Variants in PTPRD observed in about 807,000 individuals in gnomAD.
PTPRD encodes the protein protein tyrosine phosphatase receptor type D, also known as receptor-type tyrosine-protein phosphatase delta.
A neutral mutation model predicts 214.5 loss-of-function variants in PTPRD; 34 were observed. The ratio of observed to expected loss-of-function variants is 0.16; its 90% CI spans 0.12 to 0.21. The LOEUF (loss-of-function observed/expected upper bound fraction) is 0.21, where lower values mean the gene tolerates loss of function less well. Among genes scored for constraint, PTPRD ranks in the 10% least tolerant of loss-of-function variants. PTPRD has a pLI of 1.00. For missense variants in PTPRD, 2,545 were observed against 2,398.7 expected, an observed-to-expected ratio of 1.06 and a Z score of -1.27; for synonymous variants, 1,128 against 845.7, an observed-to-expected ratio of 1.33 and a Z score of -5.79.
chr9:10,149,531 C>A (rs542213709), intron 3 of PTPRD, among the ~76,000 whole-genome samples: 1 of 152,272 alleles, frequency 6.6e-6, no homozygotes, highest in East Asian at 1.9e-4. Flanking sequence ...GTGCCTCCGT[C>A]CTCTACCTGG....
intron 3 of PTPRD, among the ~76,000 whole-genome samples, chr9:10,325,245 G>A (rs2154430555): frequency 6.6e-6 from 1 of 152,072 alleles, no homozygotes; most frequent in Non-Finnish European, 1.5e-5. Context: ...AAGCACACAG[G>A]AAATGCTGCT....
rs181840656 is a variant in PTPRD, at chr9:8,935,571, G to A, written c.-104+83126C>T. On this transcript the variant is annotated intron_variant, in intron 11 of 45. Transcript: ENST00000381196. Reference sequence around the variant, plus strand: ...TTCACAAACATACTAAATAGATCCCGAGGAAGCCTAACGAATGAATGCTTC... The same window carrying A: ...TTCACAAACATACTAAATAGATCCCAAGGAAGCCTAACGAATGAATGCTTC... 7.9e-5 allele frequency among the ~76,000 whole-genome samples: 12 copies of A among 152,174 alleles called. No homozygotes were observed. The East Asian group carries it at 1.7e-3, about 22-fold the overall frequency.
chr9:9,802,205 C>T (rs72710149), intron 5 of PTPRD, among the ~76,000 whole-genome samples: 1,838 of 149,758 alleles, frequency 0.012, 15 homozygotes, highest in Middle Eastern at 0.027. Flanking sequence ...ATTGCTTTTA[C>T]TTTACTCCTG....
chr9:10,187,875 T>G (rs928502540), intron 3 of PTPRD, among the ~76,000 whole-genome samples: 14 of 152,338 alleles, frequency 9.2e-5, no homozygotes, highest in Middle Eastern at 3.4e-3. Context: ...CTGGCTAGAA[T>G]TATCTTTCCT....
chr9:8,456,897 T>G (rs569040518), intron 33 of PTPRD, among the ~76,000 whole-genome samples: 3 of 152,232 alleles, frequency 2.0e-5, no homozygotes, highest in African/African-American at 4.8e-5. Context: ...TTATCCATCT[T>G]GAAATGCTTT....
chr9:8,640,023 C>T (rs2096538440), intron 12 of PTPRD, among the ~76,000 whole-genome samples: 1 of 152,128 alleles, frequency 6.6e-6, no homozygotes, highest in African/African-American at 2.4e-5. Flanking sequence ...CTCAACCTCC[C>T]AGGCTCAGTC....
At chr9:10,067,801 G>A (rs1350843089) in intron 3 of PTPRD, among the ~76,000 whole-genome samples, 1 of 151,796 alleles carries the variant, frequency 6.6e-6, no homozygotes, top group Non-Finnish European at 1.5e-5. Flanking sequence ...CGAGTTAGAT[G>A]CAGTGATGAC....
chr9:8,408,079 T>C (rs2093178985), intron 35 of PTPRD, among the ~76,000 whole-genome samples: 1 of 152,186 alleles, frequency 6.6e-6, no homozygotes, highest in African/African-American at 2.4e-5. Context: ...TTGCTTTGCC[T>C]CTCTGTTCTC....
At chr9:8,958,295 T>C (rs2099142201) in intron 11 of PTPRD, among the ~76,000 whole-genome samples, 1 of 151,956 alleles carries the variant, frequency 6.6e-6, no homozygotes, top group Admixed American at 6.6e-5. Flanking sequence ...GACACAAATG[T>C]TCCATATACT....
chr9:8,887,063 C>G (rs1260102337), intron 11 of PTPRD, among the ~76,000 whole-genome samples: 1 of 152,100 alleles, frequency 6.6e-6, no homozygotes, highest in East Asian at 1.9e-4. Context: ...CTTTCTTATC[C>G]CCATTTTACA....
chr9:9,674,361 G>A (rs937207347), intron 7 of PTPRD, among the ~76,000 whole-genome samples: 10 of 151,304 alleles, frequency 6.6e-5, no homozygotes, highest in African/African-American at 1.5e-4. Flanking sequence ...TACCTTCTCC[G>A]TGATAAAGTG....
intron 4 of PTPRD, among the ~76,000 whole-genome samples, chr9:9,975,830 T>C (rs2154055992): frequency 6.6e-6 from 1 of 152,332 alleles, no homozygotes; most frequent in South Asian, 2.1e-4. Flanking sequence ...AACTTCAGTT[T>C]ACTGCATTAA....
chr9:9,271,512 A>T (rs180842781), intron 9 of PTPRD, among the ~76,000 whole-genome samples: 1 of 151,420 alleles, frequency 6.6e-6, no homozygotes, highest in Admixed American at 6.6e-5. Context: ...CATTTAAAAC[A>T]TGCTATGAAT....
chr9:10,306,600 C>T lies in PTPRD; in HGVS notation c.-545+34363G>A, dbSNP rs368690093. 2.0e-5 allele frequency among the ~76,000 whole-genome samples: 3 copies of T among 152,036 alleles called. No individual in the cohort carries two copies. In the East Asian group the frequency reaches 5.8e-4, roughly 29 times the overall value. On this transcript the variant is annotated intron_variant, in intron 3 of 45. Transcript: ENST00000381196. Reference sequence around the variant, plus strand: ...ATCAATCGAGTTTAAGTTCCCCAAGCAGTTTCTCAATAAAAGTTAGTAATA... The same window carrying T: ...ATCAATCGAGTTTAAGTTCCCCAAGTAGTTTCTCAATAAAAGTTAGTAATA...
chr9:9,047,075 TA>T (rs1435223340), intron 10 of PTPRD, among the ~76,000 whole-genome samples: 1 of 152,058 alleles, frequency 6.6e-6, no homozygotes, highest in African/African-American at 2.4e-5. Flanking sequence ...TTGCAGAATA[TA>T]AAATTAACAT....
chr9:8,673,880 T>C (rs2097342685), intron 12 of PTPRD, among the ~76,000 whole-genome samples: 1 of 152,124 alleles, frequency 6.6e-6, no homozygotes, highest in Non-Finnish European at 1.5e-5. Flanking sequence ...CCTTGCAGGA[T>C]GTTCAGCAGC....
At chr9:9,880,570 GTTTAC>G (rs2068346261) in intron 5 of PTPRD, among the ~76,000 whole-genome samples, 1 of 151,980 alleles carries the variant, frequency 6.6e-6, no homozygotes. Context: ...TGAGTCCCTA[GTTTAC>G]TTTACCTTGG....
Position 9,293,158 on chromosome 9 carries a change from A to G in PTPRD, c.-203+104291T>C, listed in dbSNP as rs142138585. ...AGTGAAATAACCACATAAATTATTT[A>G]GAATTCTTCTGCATAGGAGATTTGT... On this transcript the variant is annotated intron_variant, in intron 9 of 45. Transcript: ENST00000381196. 5.5e-3 allele frequency among the ~76,000 whole-genome samples: 829 copies of G among 151,738 alleles called. 8 individuals carry two copies. The highest frequency in any genetic ancestry group is 0.019 in the African/African-American group (784 of 41,496).
chr9:9,781,393 C>T (rs1294039670), intron 5 of PTPRD, among the ~76,000 whole-genome samples: 2 of 151,820 alleles, frequency 1.3e-5, no homozygotes, highest in South Asian at 2.1e-4. Context: ...GATAAAAATA[C>T]GCAAAAATGC....
Sources: allele counts gnomAD v4.1 joint callset (sites outside exome capture counted in the v4.1 genomes callset), GRCh38; gene constraint gnomAD v4.1.1; transcripts MANE v1.5; gene names NCBI Gene and HGNC (gene_info 2026-07-23, HGNC 2026-07-21).